MARCHF1: variants seen among roughly 807,000 people sequenced by gnomAD.
MARCHF1 encodes E3 ubiquitin-protein ligase MARCHF1.
MARCHF1 carries 40 observed loss-of-function variants against 54.2 expected under a neutral mutation model. The observed-to-expected ratio is 0.74, with a 90% CI of 0.57 to 0.96. The LOEUF (loss-of-function observed/expected upper bound fraction) is 0.96, where lower values mean the gene tolerates loss of function less well. MARCHF1 is among the 40% of genes least tolerant of loss of function. The probability of loss-of-function intolerance (pLI) is 0.00; values close to 1 mark genes in which losing one functional copy is unlikely to be tolerated. For synonymous variants in MARCHF1, 236 were observed against 236.3 expected (o/e 1.00, Z 0.01); for missense variants, 586 against 656.5 (o/e 0.89, Z 1.17).
At chr4:164,217,377 T>G (rs1350011049) in intron 1 of MARCHF1, among the ~76,000 whole-genome samples, 1 of 152,190 alleles carries the variant, frequency 6.6e-6, no homozygotes, top group Non-Finnish European at 1.5e-5. Context: ...TGAGACATTG[T>G]TAAACAAAGA....
chr4:164,034,112 T>TAGACAGATAGAC (rs1560872011), intron 2 of MARCHF1, among the ~76,000 whole-genome samples: 1 of 113,114 alleles, frequency 8.8e-6, no homozygotes, highest in African/African-American at 3.5e-5. Context: ...GATAGATAGA[T>TAGACAGATAGAC]AGATAGAGAT....
At chr4:164,009,731 A>G (rs1753376638) in intron 2 of MARCHF1, among the ~76,000 whole-genome samples, 1 of 152,190 alleles carries the variant, frequency 6.6e-6, no homozygotes. Context: ...AGCATTTGAC[A>G]AAATTCAACA....
chr4:164,285,529 G>A (rs113400080), intron 1 of MARCHF1, among the ~76,000 whole-genome samples: 12,474 of 151,766 alleles, frequency 0.082, 718 homozygotes, highest in East Asian at 0.24. Flanking sequence ...GGCAAGCTCC[G>A]CCTCCCGAGT....
chr4:163,959,694 T>C (rs1383255237), intron 3 of MARCHF1, among the ~76,000 whole-genome samples: 1 of 151,688 alleles, frequency 6.6e-6, no homozygotes, highest in African/African-American at 2.4e-5. Flanking sequence ...AAATGTAAAA[T>C]CTAAAAATAT....
At chr4:163,970,999 T>C (rs1752537149) in intron 3 of MARCHF1, among the ~76,000 whole-genome samples, 1 of 152,194 alleles carries the variant, frequency 6.6e-6, no homozygotes, top group South Asian at 2.1e-4. Flanking sequence ...CAGACTACAG[T>C]GAGACTCTCA....
At chr4:163,569,682 T>A (rs921573976) in intron 8 of MARCHF1, among the ~76,000 whole-genome samples, 1 of 152,152 alleles carries the variant, frequency 6.6e-6, no homozygotes, top group Admixed American at 6.6e-5. Context: ...ACACCCTAGC[T>A]GCTGACTCTA....
At chr4:164,129,006 G>A (rs1362277808) in intron 1 of MARCHF1, among the ~76,000 whole-genome samples, 3 of 152,140 alleles carry the variant, frequency 2.0e-5, no homozygotes, top group Non-Finnish European at 2.9e-5. Context: ...CCATACAAGT[G>A]CCTACCTGGT....
intron 5 of MARCHF1, among the ~76,000 whole-genome samples, chr4:163,677,262 T>C (rs1025873245): frequency 1.3e-5 from 2 of 152,224 alleles, no homozygotes; most frequent in Non-Finnish European, 2.9e-5. Context: ...CCTACGGAAA[T>C]TCTATAGCTT....
At chr4:163,550,281 C>CAAAAAAAA (rs60320461) in intron 8 of MARCHF1, among the ~76,000 whole-genome samples, 3 of 105,126 alleles carry the variant, frequency 2.9e-5, no homozygotes, top group African/African-American at 7.1e-5. Context: ...GACTCCGTCT[C>CAAAAAAAA]AAAAAAAAAA....
chr4:164,297,054 A>C (rs1056828744), intron 1 of MARCHF1, among the ~76,000 whole-genome samples: 2 of 152,170 alleles, frequency 1.3e-5, no homozygotes, highest in African/African-American at 4.8e-5. Context: ...TAAAATAATA[A>C]TTTCTATCTC....
chr4:163,696,888 G>T (rs1236100690), intron 5 of MARCHF1, among the ~76,000 whole-genome samples: 1 of 152,104 alleles, frequency 6.6e-6, no homozygotes, highest in African/African-American at 2.4e-5. Flanking sequence ...TTTTTAGGTA[G>T]CATATTAGGG....
At chr4:163,882,873 A>T (rs1010552682) in intron 3 of MARCHF1, among the ~76,000 whole-genome samples, 2 of 152,134 alleles carry the variant, frequency 1.3e-5, no homozygotes, top group African/African-American at 2.4e-5. Context: ...GCTACTCAGG[A>T]GGCTGAGGTA....
At chr4:164,363,727 C>T (rs1730792991) in intron 1 of MARCHF1, among the ~76,000 whole-genome samples, 1 of 151,730 alleles carries the variant, frequency 6.6e-6, no homozygotes, top group Non-Finnish European at 1.5e-5. Flanking sequence ...AATGTAAATG[C>T]CCTGCATTGT....
At chr4:163,926,902 A>C (rs114537346) in intron 3 of MARCHF1, among the ~76,000 whole-genome samples, 135 of 151,782 alleles carry the variant, frequency 8.9e-4, no homozygotes, top group African/African-American at 3.2e-3. Context: ...ATTAAAAAAA[A>C]CAAAATTCTA....
chr4:164,033,746 C>A (rs71614792), intron 2 of MARCHF1, among the ~76,000 whole-genome samples: 1 of 151,904 alleles, frequency 6.6e-6, no homozygotes, highest in Non-Finnish European at 1.5e-5. Flanking sequence ...CCAGTCAGAA[C>A]GGCAATTATT....
intron 2 of MARCHF1, among the ~76,000 whole-genome samples, chr4:164,091,238 T>G (rs1755292330): frequency 6.6e-6 from 1 of 151,988 alleles, no homozygotes; most frequent in Non-Finnish European, 1.5e-5. Context: ...GAATGATATC[T>G]TCTTGATTTA....
At chr4:163,599,756 G>T (rs556993514) in intron 7 of MARCHF1, among the ~76,000 whole-genome samples, 2 of 152,304 alleles carry the variant, frequency 1.3e-5, no homozygotes, top group African/African-American at 4.8e-5. Flanking sequence ...GGTCTGGATT[G>T]GGGCCTCATA....
At chr4:163,986,464 C>G (rs924945998) in intron 3 of MARCHF1, among the ~76,000 whole-genome samples, 4 of 151,484 alleles carry the variant, frequency 2.6e-5, no homozygotes, top group Admixed American at 1.3e-4. Flanking sequence ...CAGGGTTTCA[C>G]CGAGTTAGAC....
rs1251542608 is a variant in MARCHF1 at position 163,612,960 on chromosome 4, C to T, written c.321G>A (p.Lys107=). Residue 107 remains lysine (K), a synonymous_variant, in exon 7 of 10, where the codon AAG becomes AAA. Coordinates refer to ENST00000514618, the MANE Select transcript of MARCHF1 (RefSeq NM_001394959.1). ...TPVMVLSPAR[K]ESGKKSVIQR... is the part of the protein sequence containing the mutation. ...GTATTACTGATTTCTTACCAGACTCCTTCCTAGCAGGGCTCAGCACCATGA... is the reference window on the plus strand; with the variant it reads ...GTATTACTGATTTCTTACCAGACTCTTTCCTAGCAGGGCTCAGCACCATGA... The T allele has an allele frequency of 7.2e-6, 11 of 1,534,460 alleles. No homozygotes were observed. Among genetic ancestry groups the T allele is most frequent in the Non-Finnish European group, 7.9e-6 (9 of 1,146,156 alleles).
Sources: gnomAD v4.1 joint callset for allele counts (sites outside exome capture counted in the v4.1 genomes callset) on GRCh38, gnomAD v4.1.1 for gene constraint, MANE v1.5 for transcripts, NCBI Gene and HGNC (gene_info 2026-07-23, HGNC 2026-07-21) for gene names.